The following RAP1B variants were observed in gnomAD, a reference collection of about 807,000 sequenced individuals.
The protein encoded by RAP1B is ras-related protein Rap-1b.
Under a neutral mutation model 27.5 loss-of-function variants are expected in RAP1B, and 1 was observed. The observed-to-expected ratio is 0.04, with a 90% CI of 0.01 to 0.17. The LOEUF is 0.17. Among genes scored for constraint, RAP1B ranks in the 10% least tolerant of loss-of-function variants. RAP1B has a pLI of 1.00. For missense variants in RAP1B, 84 were observed against 214.8 expected (o/e 0.39, Z 3.81); for synonymous variants, 75 against 73.1 (o/e 1.03, Z -0.13).
At chr12:68,615,953 A>G (rs887848182) in intron 1 of RAP1B, among the ~76,000 whole-genome samples, 15 of 136,730 alleles carry the variant, frequency 1.1e-4, no homozygotes, top group African/African-American at 4.0e-4. Flanking sequence ...TAAAAACTCT[A>G]GTAAATAATT....
intron 7 of RAP1B, chr12:68,657,825 AACACACAC>A (rs201612273): frequency 4.6e-5 from 7 of 151,274 alleles, no homozygotes; most frequent in Admixed American, 2.1e-4. Context: ...CCTAATTTAA[AACACACAC>A]ACACACACAC....
intron 1 of RAP1B, among the ~76,000 whole-genome samples, chr12:68,622,374 C>T (rs1441638004): frequency 1.3e-5 from 2 of 152,160 alleles, no homozygotes; most frequent in African/African-American, 2.4e-5. Flanking sequence ...TCATGTAATA[C>T]CCTCCGGTCC....
intron 1 of RAP1B, among the ~76,000 whole-genome samples, chr12:68,638,515 TA>T: frequency 6.6e-6 from 1 of 152,202 alleles, no homozygotes; most frequent in South Asian, 2.1e-4. Context: ...CACTCCTTTT[TA>T]AAATGTGTAT....
chr12:68,655,018 T>C (rs1874099591), intron 5 of RAP1B, among the ~76,000 whole-genome samples: 1 of 152,084 alleles, frequency 6.6e-6, no homozygotes, highest in African/African-American at 2.4e-5. Flanking sequence ...ATCTGCATAC[T>C]GTAAGAACCA....
At chr12:68,654,815 T>C (rs1319063448) in intron 5 of RAP1B, among the ~76,000 whole-genome samples, 1 of 152,154 alleles carries the variant, frequency 6.6e-6, no homozygotes, top group Non-Finnish European at 1.5e-5. Flanking sequence ...GAGTCTACCA[T>C]AATGGAGTTT....
Position 68,656,521 on chromosome 12 carries a change from A to G in RAP1B, c.468+72A>G, listed in dbSNP as rs527634134. 3.4e-6 allele frequency: 5 copies of G among 1,475,872 alleles called. No homozygotes were observed. The East Asian group carries it at 9.1e-5, about 27-fold the overall frequency. The allele number at this position is 1,475,872 out of a possible 1,614,324, so 91.4% of individuals were successfully genotyped here. Reference sequence around the variant, plus strand: ...TTGAAGATGAATGGAAAATGTCTTAACCCCAAGTTAATATGTACTCAGGGT... The same window carrying G: ...TTGAAGATGAATGGAAAATGTCTTAGCCCCAAGTTAATATGTACTCAGGGT... On this transcript the variant is annotated intron_variant, in intron 6 of 7. Transcript: ENST00000250559.
intron 1 of RAP1B, among the ~76,000 whole-genome samples, chr12:68,640,106 T>C (rs1284085765): frequency 6.6e-6 from 1 of 152,200 alleles, no homozygotes; most frequent in Non-Finnish European, 1.5e-5. Flanking sequence ...CCCAGAGTGC[T>C]GGGATTACAG....
At chr12:68,643,125 C>A in intron 1 of RAP1B, 1 of 583,636 alleles carries the variant, frequency 1.7e-6, no homozygotes, top group Non-Finnish European at 3.0e-6. Context: ...CTTCCAAAAT[C>A]TCTTCACTTT....
chr12:68,612,184 CA>C (rs1870651995), intron 1 of RAP1B, among the ~76,000 whole-genome samples: 1 of 152,200 alleles, frequency 6.6e-6, no homozygotes, highest in Admixed American at 6.5e-5. Context: ...TTTGGTTTTG[CA>C]GGCAGCATCT....
intron 1 of RAP1B, among the ~76,000 whole-genome samples, chr12:68,632,547 A>G (rs1420309950): frequency 1.3e-5 from 2 of 152,218 alleles, no homozygotes; most frequent in Non-Finnish European, 2.9e-5. Context: ...ATGATAAAAA[A>G]GGCCAAAATG....
chr12:68,648,417 C>G (rs1375819589), intron 1 of RAP1B, among the ~76,000 whole-genome samples: 2 of 152,170 alleles, frequency 1.3e-5, no homozygotes, highest in Admixed American at 6.5e-5. Context: ...GTGGATATGG[C>G]TGTGTTTGAG....
chr12:68,644,912 ACCAGCC>A, intron 1 of RAP1B, among the ~76,000 whole-genome samples: 1 of 151,736 alleles, frequency 6.6e-6, no homozygotes, highest in Non-Finnish European at 1.5e-5. Context: ...TGAACTTCTG[ACCAGCC>A]TGGTCCAGCT....
chr12:68,657,361 T>G (rs1874277708), intron 7 of RAP1B, 144 bp downstream of exon 7: 2 of 527,786 alleles, frequency 3.8e-6, no homozygotes, highest in Admixed American at 3.8e-5. Flanking sequence ...GTTAGTATGC[T>G]ATCTTATTAA....
At chr12:68,636,185 A>AT (rs951895926) in intron 1 of RAP1B, among the ~76,000 whole-genome samples, 5 of 151,596 alleles carry the variant, frequency 3.3e-5, no homozygotes, top group South Asian at 2.1e-4. Flanking sequence ...ACAGTCAGCT[A>AT]TTTTTTTTGG....
intron 1 of RAP1B, chr12:68,640,885 G>T (rs960480262): frequency 2.0e-5 from 3 of 151,988 alleles, no homozygotes; most frequent in Non-Finnish European, 2.9e-5. Context: ...CATGTCTTCA[G>T]GATTTTCTGT....
intron 1 of RAP1B, among the ~76,000 whole-genome samples, chr12:68,640,296 ACCAT>A (rs1872907996): frequency 6.6e-6 from 1 of 151,706 alleles, no homozygotes; most frequent in South Asian, 2.1e-4. Flanking sequence ...CCCATATAAA[ACCAT>A]CCATTCTTAT....
At chr12:68,635,596 C>T (rs1033510485) in intron 1 of RAP1B, among the ~76,000 whole-genome samples, 17 of 152,116 alleles carry the variant, frequency 1.1e-4, no homozygotes, top group African/African-American at 4.1e-4. Context: ...GCTGGGATTA[C>T]AGGCGCCCGC....
chr12:68,651,176 G>GT (rs1873790492), intron 3 of RAP1B, among the ~76,000 whole-genome samples: 1 of 152,210 alleles, frequency 6.6e-6, no homozygotes, highest in Admixed American at 6.5e-5. Flanking sequence ...AACATTGCAA[G>GT]TTTTGGATTT....
At chr12:68,651,511 T>C (rs537606395) in intron 3 of RAP1B, among the ~76,000 whole-genome samples, 1 of 152,320 alleles carries the variant, frequency 6.6e-6, no homozygotes, top group African/African-American at 2.4e-5. Flanking sequence ...GGGATATATG[T>C]GTAATTTATT....
Sources: allele counts gnomAD v4.1 joint callset (sites outside exome capture counted in the v4.1 genomes callset), GRCh38; gene constraint gnomAD v4.1.1; transcripts MANE v1.5; gene names NCBI Gene and HGNC (gene_info 2026-07-23, HGNC 2026-07-21).